The following KCNIP1 variants were observed in gnomAD, a reference collection of about 807,000 sequenced individuals.
KCNIP1 encodes potassium voltage-gated channel interacting protein 1, also known as A-type potassium channel modulatory protein KCNIP1.
KCNIP1 carries 18 observed loss-of-function variants against 33.0 expected under a neutral mutation model. The observed-to-expected ratio is 0.55, with a 90% CI of 0.38 to 0.81. The LOEUF is 0.81. Ranked by LOEUF, KCNIP1 falls within the 30% of genes least tolerant of loss-of-function variation. The pLI, the probability that KCNIP1 is intolerant of heterozygous loss-of-function variation, is 0.00. For missense variants in KCNIP1, 238 were observed against 271.6 expected (o/e 0.88, Z 0.87); for synonymous variants, 93 against 98.3 (o/e 0.95, Z 0.32).
At chr5:170,456,156 G>A (rs1019993033) in intron 1 of KCNIP1, among the ~76,000 whole-genome samples, 4 of 152,152 alleles carry the variant, frequency 2.6e-5, no homozygotes, top group African/African-American at 9.7e-5. Flanking sequence ...TATGTCCTTT[G>A]CAGGGACATA....
intron 1 of KCNIP1, among the ~76,000 whole-genome samples, chr5:170,508,492 G>C (rs1159566224): frequency 6.6e-6 from 1 of 152,244 alleles, no homozygotes; most frequent in Non-Finnish European, 1.5e-5. Context: ...ATATGGGAGA[G>C]TGACAAGAGA....
chr5:170,645,522 C>T (rs766722224), intron 1 of KCNIP1, among the ~76,000 whole-genome samples: 5 of 152,176 alleles, frequency 3.3e-5, no homozygotes, highest in Non-Finnish European at 5.9e-5. Flanking sequence ...AACTGTTACA[C>T]TTGGAGGCCT....
intron 1 of KCNIP1, among the ~76,000 whole-genome samples, chr5:170,395,047 G>A (rs62392745): frequency 2.6e-5 from 4 of 152,176 alleles, no homozygotes; most frequent in Non-Finnish European, 4.4e-5. Flanking sequence ...TGAATAGTGC[G>A]GCAATAAATG....
intron 1 of KCNIP1, among the ~76,000 whole-genome samples, chr5:170,673,048 G>A (rs1378715983): frequency 6.6e-6 from 1 of 152,204 alleles, no homozygotes; most frequent in Non-Finnish European, 1.5e-5. Flanking sequence ...CCAGGCAACT[G>A]ATATCTTGAC....
intron 1 of KCNIP1, among the ~76,000 whole-genome samples, chr5:170,465,468 C>T (rs1756589353): frequency 6.6e-6 from 1 of 152,220 alleles, no homozygotes; most frequent in Admixed American, 6.5e-5. Flanking sequence ...GTGAAGGGCA[C>T]TGGCCTCCGA....
intron 1 of KCNIP1, among the ~76,000 whole-genome samples, chr5:170,514,792 G>A (rs1235778513): frequency 6.6e-6 from 1 of 152,152 alleles, no homozygotes; most frequent in East Asian, 1.9e-4. Context: ...ATCTGTATCG[G>A]GCACCTGCTG....
intron 1 of KCNIP1, among the ~76,000 whole-genome samples, chr5:170,465,706 C>G (rs2113119485): frequency 6.6e-6 from 1 of 152,238 alleles, no homozygotes; most frequent in South Asian, 2.1e-4. Context: ...CTGCTCTGAA[C>G]CTTATCTGGG....
intron 1 of KCNIP1, among the ~76,000 whole-genome samples, chr5:170,598,121 T>G (rs771346902): frequency 1.1e-4 from 17 of 152,176 alleles, no homozygotes; most frequent in Middle Eastern, 3.4e-3. Flanking sequence ...CTTCAATCAC[T>G]CCTAATCAGA....
At chr5:170,653,632 C>T (rs768035369) in intron 1 of KCNIP1, among the ~76,000 whole-genome samples, 9 of 152,034 alleles carry the variant, frequency 5.9e-5, no homozygotes, top group East Asian at 5.8e-4. Context: ...GAGGGCCTCA[C>T]GTGGAACCAG....
At chr5:170,538,173 C>G (rs868522270) in intron 1 of KCNIP1, among the ~76,000 whole-genome samples, 1 of 152,176 alleles carries the variant, frequency 6.6e-6, no homozygotes, top group Non-Finnish European at 1.5e-5. Flanking sequence ...TCCTCATGCC[C>G]TCTCCAGTAT....
chr5:170,702,120 G>A (rs1309472894), intron 1 of KCNIP1, among the ~76,000 whole-genome samples: 21 of 152,192 alleles, frequency 1.4e-4, no homozygotes, highest in Admixed American at 1.4e-3. Context: ...CCATAACTCT[G>A]CTCTATTTCC....
chr5:170,586,005 T>C (rs1457832485), intron 1 of KCNIP1, among the ~76,000 whole-genome samples: 3 of 152,216 alleles, frequency 2.0e-5, no homozygotes, highest in African/African-American at 7.2e-5. Context: ...GTTAGATGTA[T>C]CTGCTTCCAA....
At chr5:170,519,609 G>A (rs915656903) in intron 1 of KCNIP1, among the ~76,000 whole-genome samples, 8 of 152,118 alleles carry the variant, frequency 5.3e-5, no homozygotes, top group Non-Finnish European at 7.3e-5. Flanking sequence ...ATTTGTCTCC[G>A]AGGCAGCACA....
intron 1 of KCNIP1, among the ~76,000 whole-genome samples, chr5:170,621,794 C>A (rs567115491): frequency 6.6e-6 from 1 of 152,334 alleles, no homozygotes; most frequent in East Asian, 1.9e-4. Flanking sequence ...CAACTGTGAG[C>A]CACTGCACCT....
At chr5:170,585,094 G>A (rs1331433058) in intron 1 of KCNIP1, among the ~76,000 whole-genome samples, 1 of 151,980 alleles carries the variant, frequency 6.6e-6, no homozygotes, top group African/African-American at 2.4e-5. Context: ...ACTGGTTGAG[G>A]GTCACACAGC....
intron 1 of KCNIP1, among the ~76,000 whole-genome samples, chr5:170,713,076 TC>T (rs1362170456): frequency 1.3e-5 from 2 of 152,192 alleles, no homozygotes; most frequent in African/African-American, 2.4e-5. Flanking sequence ...AAAGCTTTGC[TC>T]CCCGTAAGAA....
chr5:170,421,728 G>A (rs1327431047), intron 1 of KCNIP1, among the ~76,000 whole-genome samples: 1 of 152,116 alleles, frequency 6.6e-6, no homozygotes, highest in African/African-American at 2.4e-5. Flanking sequence ...TATGAATTTG[G>A]GAGAGGATAG....
intron 1 of KCNIP1, among the ~76,000 whole-genome samples, chr5:170,617,231 A>C (rs1238866631): frequency 6.6e-6 from 1 of 152,114 alleles, no homozygotes; most frequent in African/African-American, 2.4e-5. Flanking sequence ...GTCAGCACTC[A>C]GACTGGGGCA....
chr5:170,656,364 G>A (rs1761263549), intron 1 of KCNIP1, among the ~76,000 whole-genome samples: 1 of 152,202 alleles, frequency 6.6e-6, no homozygotes, highest in South Asian at 2.1e-4. Flanking sequence ...TTATAGAATT[G>A]CGGGAGGGGT....
Sources: allele counts gnomAD v4.1 joint callset (sites outside exome capture counted in the v4.1 genomes callset), GRCh38; gene constraint gnomAD v4.1.1; transcripts MANE v1.5; gene names NCBI Gene and HGNC (gene_info 2026-07-23, HGNC 2026-07-21).